CCSER1: variants seen among roughly 807,000 people sequenced by gnomAD.
The protein encoded by CCSER1 is serine-rich coiled-coil domain-containing protein 1.
Under a neutral mutation model 82.0 loss-of-function variants are expected in CCSER1, and 41 were observed. The observed-to-expected ratio is 0.50, with a 90% CI of 0.39 to 0.65. The LOEUF (loss-of-function observed/expected upper bound fraction) is 0.65. Among genes scored for constraint, CCSER1 ranks in the 30% least tolerant of loss-of-function variants. CCSER1 has a pLI of 0.00. For synonymous variants in CCSER1, 414 were observed against 383.9 expected (o/e 1.08, Z -0.92); for missense variants, 1,119 against 1,064.2 (o/e 1.05, Z -0.72).
At chr4:90,996,427 A>G (rs1261515149) in intron 9 of CCSER1, among the ~76,000 whole-genome samples, 1 of 152,118 alleles carries the variant, frequency 6.6e-6, no homozygotes, top group Admixed American at 6.6e-5. Context: ...TTTATTTATT[A>G]TTTCTGAAGG....
chr4:90,839,111 T>A, intron 8 of CCSER1: 1 of 1,077,618 alleles, frequency 9.3e-7, no homozygotes, highest in Non-Finnish European at 1.4e-6. Context: ...CACCACCGAG[T>A]TGTCGCCATA....
At chr4:91,480,450 T>C (rs1017873632) in intron 10 of CCSER1, among the ~76,000 whole-genome samples, 2 of 152,190 alleles carry the variant, frequency 1.3e-5, no homozygotes. Flanking sequence ...TGGTGTGAGA[T>C]GGTATCTCAT....
chr4:91,429,514 T>C (rs1000146740), intron 10 of CCSER1, among the ~76,000 whole-genome samples: 6 of 151,964 alleles, frequency 3.9e-5, no homozygotes, highest in African/African-American at 1.4e-4. Context: ...CTAAATATAC[T>C]ATTTATTTAG....
At chr4:90,730,721 C>T (rs1744551794) in intron 7 of CCSER1, among the ~76,000 whole-genome samples, 1 of 151,916 alleles carries the variant, frequency 6.6e-6, no homozygotes, top group Non-Finnish European at 1.5e-5. Context: ...TTAGTAGAGA[C>T]CATAATGAAG....
At chr4:90,983,317 C>T (rs1736291966) in intron 9 of CCSER1, among the ~76,000 whole-genome samples, 1 of 151,672 alleles carries the variant, frequency 6.6e-6, no homozygotes, top group Admixed American at 6.6e-5. Flanking sequence ...TTTCTACTAC[C>T]TCAAATTCCC....
intron 5 of CCSER1, among the ~76,000 whole-genome samples, chr4:90,551,357 C>G (rs1777454303): frequency 6.6e-6 from 1 of 152,010 alleles, no homozygotes; most frequent in Non-Finnish European, 1.5e-5. Context: ...TCATATTTTG[C>G]CCTCCAGTTT....
chr4:91,072,382 A>G (rs560482316), intron 9 of CCSER1, among the ~76,000 whole-genome samples: 1 of 152,108 alleles, frequency 6.6e-6, no homozygotes, highest in Non-Finnish European at 1.5e-5. Flanking sequence ...AACGTCATTT[A>G]CTTAACTTTT....
intron 1 of CCSER1, among the ~76,000 whole-genome samples, chr4:90,192,014 C>A (rs1018565403): frequency 2.0e-5 from 3 of 151,980 alleles, no homozygotes; most frequent in Non-Finnish European, 4.4e-5. Flanking sequence ...ATAAAAATTA[C>A]AGAATGGAGA....
intron 9 of CCSER1, among the ~76,000 whole-genome samples, chr4:91,024,855 T>A (rs1278598489): frequency 1.3e-5 from 2 of 151,996 alleles, no homozygotes; most frequent in Non-Finnish European, 2.9e-5. Context: ...GTTATGTGAG[T>A]TGATGAGAGA....
chr4:90,431,817 G>A (rs997547367), intron 4 of CCSER1, among the ~76,000 whole-genome samples: 1 of 152,020 alleles, frequency 6.6e-6, no homozygotes, highest in African/African-American at 2.4e-5. Context: ...GAATGTTTAT[G>A]GCTGACAAAT....
chr4:90,630,343 G>C (rs1406544683), intron 6 of CCSER1, among the ~76,000 whole-genome samples: 1 of 152,164 alleles, frequency 6.6e-6, no homozygotes, highest in African/African-American at 2.4e-5. Context: ...TAAAGCAAAA[G>C]ATAAGTAGAA....
At chr4:91,533,922 T>C (rs1281186633) in intron 10 of CCSER1, among the ~76,000 whole-genome samples, 1 of 151,990 alleles carries the variant, frequency 6.6e-6, no homozygotes, top group Admixed American at 6.6e-5. Context: ...CTCTGCTTCT[T>C]GCAGGAATAT....
intron 8 of CCSER1, among the ~76,000 whole-genome samples, chr4:90,845,776 C>T (rs1418587220): frequency 1.3e-5 from 2 of 148,348 alleles, no homozygotes; most frequent in African/African-American, 2.5e-5. Flanking sequence ...ATGATTTATA[C>T]AGCCTATAAT....
intron 9 of CCSER1, among the ~76,000 whole-genome samples, chr4:90,984,028 T>A (rs1159609692): frequency 6.6e-6 from 1 of 151,772 alleles, no homozygotes; most frequent in Non-Finnish European, 1.5e-5. Flanking sequence ...TAAGTGACAG[T>A]CCTGGGCACA....
intron 3 of CCSER1, among the ~76,000 whole-genome samples, chr4:90,320,621 G>A (rs552005529): frequency 1.3e-5 from 2 of 152,246 alleles, no homozygotes; most frequent in African/African-American, 4.8e-5. Flanking sequence ...ATATGGGTAA[G>A]CGAAGATTTT....
chr4:90,488,483 A>C (rs112351902), intron 5 of CCSER1, among the ~76,000 whole-genome samples: 1 of 152,090 alleles, frequency 6.6e-6, no homozygotes, highest in Non-Finnish European at 1.5e-5. Context: ...CCACTGCACC[A>C]GGCGACGTCC....
chr4:91,360,696 C>G (rs544747566), intron 10 of CCSER1, among the ~76,000 whole-genome samples: 1 of 151,744 alleles, frequency 6.6e-6, no homozygotes, highest in East Asian at 1.9e-4. Context: ...GTTTATGGCA[C>G]AAGCCTAGGT....
chr4:90,305,107 G>A (rs1015614827), intron 1 of CCSER1, among the ~76,000 whole-genome samples: 2 of 151,920 alleles, frequency 1.3e-5, no homozygotes, highest in African/African-American at 4.8e-5. Flanking sequence ...TAGTAGAGAC[G>A]GGGTTTCACC....
chr4:90,590,101 C>T (rs1047810606), intron 5 of CCSER1, among the ~76,000 whole-genome samples: 1 of 151,988 alleles, frequency 6.6e-6, no homozygotes, highest in Non-Finnish European at 1.5e-5. Context: ...TGGAGAAACC[C>T]TGTCTCTACC....
Sources: gnomAD v4.1 joint callset for allele counts (sites outside exome capture counted in the v4.1 genomes callset) on GRCh38, gnomAD v4.1.1 for gene constraint, MANE v1.5 for transcripts, NCBI Gene and HGNC (gene_info 2026-07-23, HGNC 2026-07-21) for gene names.